The following PSD3 variants were observed in gnomAD, a reference collection of about 807,000 sequenced individuals.
The protein encoded by PSD3 is PH and SEC7 domain-containing protein 3.
PSD3 carries 49 observed loss-of-function variants against 105.5 expected under a neutral mutation model. The ratio of observed to expected loss-of-function variants is 0.46; its 90% confidence interval spans 0.37 to 0.59. The LOEUF is 0.59. PSD3 is among the 20% of genes least tolerant of loss of function. PSD3 has a pLI of 0.00. For missense variants in PSD3, 1,561 were observed against 1,263.8 expected (o/e 1.24, Z -3.57); for synonymous variants, 557 against 457.8 (o/e 1.22, Z -2.77).
chr8:18,763,604 AAGAC>A (rs1806724734), intron 9 of PSD3, among the ~76,000 whole-genome samples: 1 of 152,170 alleles, frequency 6.6e-6, no homozygotes, highest in African/African-American at 2.4e-5. Context: ...GAGAAAGTAA[AAGAC>A]AGAAATAAAA....
At chr8:19,006,703 C>T (rs953923609) in intron 1 of PSD3, among the ~76,000 whole-genome samples, 9 of 151,986 alleles carry the variant, frequency 5.9e-5, no homozygotes, top group African/African-American at 2.2e-4. Flanking sequence ...TATTTCTAAC[C>T]ACTGGACACG....
chr8:18,913,728 T>C (rs73666751), intron 2 of PSD3, among the ~76,000 whole-genome samples: 1 of 151,550 alleles, frequency 6.6e-6, no homozygotes, highest in Non-Finnish European at 1.5e-5. Context: ...AGGCTGGCCT[T>C]CATGGACTCA....
At chr8:19,001,030 C>T (rs781033768) in intron 1 of PSD3, 1 of 151,866 alleles carries the variant, frequency 6.6e-6, no homozygotes, top group African/African-American at 2.4e-5. Context: ...ACTAAGCGCA[C>T]ACATTCTCTG....
intron 15 of PSD3, among the ~76,000 whole-genome samples, chr8:18,540,436 T>C (rs981383594): frequency 2.6e-5 from 4 of 152,150 alleles, no homozygotes; most frequent in African/African-American, 9.7e-5. Flanking sequence ...AGGAAATGAT[T>C]AGCACTCTAG....
chr8:18,811,420 G>C lies in PSD3; in HGVS notation c.1635-6522C>G, dbSNP rs560111574. On this transcript the variant is annotated intron_variant, in intron 4 of 15. Transcript: ENST00000327040. ...TTAGGTGCTTGGTAGACTACAGTAA[G>C]CAAAACAGAATTAAAAACTTCTACC... Among the ~76,000 whole-genome samples the C allele has an allele frequency of 3.4e-4, 51 of 152,218 alleles. No homozygotes were observed. In the East Asian group the frequency reaches 5.4e-3, roughly 16 times the overall value.
At chr8:18,865,330 T>C (rs2129456271) in intron 4 of PSD3, 1 of 135,840 alleles carries the variant, frequency 7.4e-6, no homozygotes, top group Non-Finnish European at 1.6e-5. Flanking sequence ...TGAGGCCCCT[T>C]CAAGTAGTAA....
intron 9 of PSD3, among the ~76,000 whole-genome samples, chr8:18,671,469 G>A (rs142682480): frequency 6.6e-6 from 1 of 152,138 alleles, no homozygotes; most frequent in South Asian, 2.1e-4. Context: ...CTCTTTCCAA[G>A]AGGTAATGTA....
At chr8:18,920,972 T>C (rs752598131) in intron 2 of PSD3, among the ~76,000 whole-genome samples, 2 of 152,180 alleles carry the variant, frequency 1.3e-5, no homozygotes, top group African/African-American at 2.4e-5. Flanking sequence ...ATTCTACCTA[T>C]ACTTATAATA....
At chr8:18,752,289 T>G (rs530596229) in intron 9 of PSD3, among the ~76,000 whole-genome samples, 7 of 150,034 alleles carry the variant, frequency 4.7e-5, no homozygotes, top group African/African-American at 1.7e-4. Flanking sequence ...TGAAATTATT[T>G]CTTTAATGAG....
chr8:18,752,501 AAT>A (rs10634696), intron 9 of PSD3, among the ~76,000 whole-genome samples: 18 of 88,616 alleles, frequency 2.0e-4, no homozygotes, highest in African/African-American at 9.4e-4. Flanking sequence ...TAATATATAT[AAT>A]ATATATAATA....
intron 1 of PSD3, among the ~76,000 whole-genome samples, chr8:19,062,965 T>C (rs951509399): frequency 2.0e-5 from 3 of 152,176 alleles, no homozygotes; most frequent in African/African-American, 7.2e-5. Flanking sequence ...AAAGTGAAGG[T>C]GCCGATAGGT....
chr8:18,693,464 A>C (rs1801084627), intron 9 of PSD3, among the ~76,000 whole-genome samples: 1 of 152,232 alleles, frequency 6.6e-6, no homozygotes, highest in African/African-American at 2.4e-5. Flanking sequence ...AAACAGGGGG[A>C]AACATGCTGT....
rs1554515387 is a variant in PSD3 at position 18,828,068 on chromosome 8, T to TATATATA, written c.1635-23171_1635-23170insTATATAT. ...ATATGTATATATATATATATATATA[T>TATATATA]TTTTTTTTTTTTACAAAAAAAATGA... On this transcript the variant is annotated intron_variant, in intron 4 of 15. Transcript: ENST00000327040. 6.3e-3 allele frequency among the ~76,000 whole-genome samples: 528 copies of TATATATA among 83,250 alleles called. 3 individuals are homozygous for TATATATA. The highest frequency in any genetic ancestry group is 0.02 in the South Asian group (58 of 2,920). 54.6% of individuals were successfully genotyped at this position (83,250 alleles called of 152,430 possible).
At chr8:18,986,204 C>T (rs904249202) in intron 1 of PSD3, among the ~76,000 whole-genome samples, 11 of 152,020 alleles carry the variant, frequency 7.2e-5, no homozygotes, top group Admixed American at 5.9e-4. Context: ...AGTAGAGGTC[C>T]CTGGAGAAAC....
intron 2 of PSD3, among the ~76,000 whole-genome samples, chr8:18,885,886 C>A (rs1165896882): frequency 6.6e-6 from 1 of 152,204 alleles, no homozygotes; most frequent in Admixed American, 6.5e-5. Context: ...CTGTTACAAA[C>A]TTCCAGTAAA....
intron 12 of PSD3, among the ~76,000 whole-genome samples, chr8:18,592,045 T>G (rs1428329834): frequency 6.6e-6 from 1 of 152,044 alleles, no homozygotes; most frequent in Non-Finnish European, 1.5e-5. Context: ...CAGGAAAACA[T>G]GGTTCAATGG....
chr8:19,028,395 C>T (rs192653915), intron 1 of PSD3, among the ~76,000 whole-genome samples: 73 of 148,062 alleles, frequency 4.9e-4, no homozygotes, highest in Non-Finnish European at 8.9e-4. Context: ...CTCTGTTGTC[C>T]AGGCTGGAGT....
intron 4 of PSD3, among the ~76,000 whole-genome samples, chr8:18,818,110 C>T (rs558190858): frequency 6.8e-4 from 103 of 152,208 alleles, no homozygotes; most frequent in Non-Finnish European, 1.1e-3. Context: ...CCTGCCACTA[C>T]GCTTGGCTAA....
intron 2 of PSD3, among the ~76,000 whole-genome samples, chr8:18,884,675 C>A (rs995178752): frequency 7.2e-5 from 11 of 151,852 alleles, no homozygotes; most frequent in African/African-American, 2.4e-4. Context: ...AAGCTTCTAA[C>A]GTGTGCACAC....
Sources: gnomAD v4.1 joint callset for allele counts (sites outside exome capture counted in the v4.1 genomes callset) on GRCh38, gnomAD v4.1.1 for gene constraint, MANE v1.5 for transcripts, NCBI Gene and HGNC (gene_info 2026-07-23, HGNC 2026-07-21) for gene names.